SDK1: variants seen among roughly 807,000 people sequenced by gnomAD.
SDK1 encodes the protein protein sidekick-1.
Under a neutral mutation model 245.5 loss-of-function variants are expected in SDK1, and 157 were observed. The observed-to-expected ratio is 0.64, with a 90% CI of 0.56 to 0.73. The LOEUF (loss-of-function observed/expected upper bound fraction) is 0.73. SDK1 is among the 30% of genes least tolerant of loss of function. The pLI, the probability that SDK1 is intolerant of heterozygous loss-of-function variation, is 0.00. For synonymous variants in SDK1, 1,647 were observed against 1,278.5 expected (o/e 1.29, Z -6.15); for missense variants, 3,583 against 3,002.3 (o/e 1.19, Z -4.52).
chr7:3,969,712 A>G (rs188084097), intron 11 of SDK1, among the ~76,000 whole-genome samples: 2 of 152,374 alleles, frequency 1.3e-5, no homozygotes, highest in Admixed American at 1.3e-4. Context: ...TCAAATCACA[A>G]AATTGATAGG....
chr7:3,663,512 T>A (rs1783429884), intron 4 of SDK1, among the ~76,000 whole-genome samples: 1 of 152,210 alleles, frequency 6.6e-6, no homozygotes, highest in East Asian at 1.9e-4. Flanking sequence ...GTTCTTCAGC[T>A]GAGGGACCTG....
chr7:3,463,381 A>G (rs892081605), intron 1 of SDK1, among the ~76,000 whole-genome samples: 2 of 151,944 alleles, frequency 1.3e-5, no homozygotes, highest in African/African-American at 4.8e-5. Context: ...TGAATGAATG[A>G]ACATAGATTG....
At chr7:3,405,927 A>G (rs1583810987) in intron 1 of SDK1, among the ~76,000 whole-genome samples, 1 of 148,720 alleles carries the variant, frequency 6.7e-6, no homozygotes, top group African/African-American at 2.5e-5. Context: ...ATTCTTCTGC[A>G]TCAGCCTCCT....
intron 5 of SDK1, among the ~76,000 whole-genome samples, chr7:3,869,613 G>A (rs917743154): frequency 1.3e-5 from 2 of 152,142 alleles, no homozygotes; most frequent in African/African-American, 2.4e-5. Flanking sequence ...CTCCCTGCTT[G>A]CTCAGCACTC....
intron 4 of SDK1, among the ~76,000 whole-genome samples, chr7:3,661,516 A>G (rs1297274120): frequency 2.0e-5 from 3 of 152,104 alleles, no homozygotes; most frequent in Non-Finnish European, 4.4e-5. Context: ...AATGCCCTGG[A>G]TTTGATTTAG....
intron 1 of SDK1, among the ~76,000 whole-genome samples, chr7:3,601,039 A>G (rs77201974): frequency 0.01 from 1,532 of 151,522 alleles, 21 homozygotes; most frequent in African/African-American, 0.028. Context: ...TTGTTTTTTG[A>G]ATGTTGAACC....
chr7:4,081,780 G>A (rs1327665159), intron 22 of SDK1, among the ~76,000 whole-genome samples: 3 of 152,128 alleles, frequency 2.0e-5, no homozygotes, highest in African/African-American at 4.8e-5. Context: ...GAAGAATAGA[G>A]TAAGCCCTCT....
intron 40 of SDK1, chr7:4,227,492 T>C: frequency 2.1e-6 from 1 of 467,494 alleles, no homozygotes; most frequent in Admixed American, 2.4e-5. Flanking sequence ...TCAGTAAAAT[T>C]TCTAACCTGG....
chr7:3,878,705 A>G (rs183425114), intron 5 of SDK1, among the ~76,000 whole-genome samples: 1 of 152,316 alleles, frequency 6.6e-6, no homozygotes, highest in Admixed American at 6.5e-5. Flanking sequence ...TTCGAAGAGG[A>G]AGAGTCTCCT....
At chr7:3,434,334 C>T (rs1269650345) in intron 1 of SDK1, among the ~76,000 whole-genome samples, 1 of 152,106 alleles carries the variant, frequency 6.6e-6, no homozygotes, top group Non-Finnish European at 1.5e-5. Flanking sequence ...ACCTTGTTCG[C>T]CTTGGTTTTG....
At chr7:4,012,307 ACT>A (rs1786043438) in intron 16 of SDK1, 72 bp downstream of exon 16, 3 of 1,403,054 alleles carry the variant, frequency 2.1e-6, no homozygotes, top group Admixed American at 2.8e-5. Flanking sequence ...AGGGTTGCAA[ACT>A]CTAATGTCTG....
chr7:3,345,153 G>C lies in SDK1; in HGVS notation c.298+43269G>C, dbSNP rs376904717. Among the ~76,000 whole-genome samples the C allele has an allele frequency of 3.3e-5, 5 of 152,308 alleles. No individual in the cohort carries two copies. The East Asian group carries it at 5.8e-4, about 18-fold the overall frequency. On this transcript the variant is annotated intron_variant, in intron 1 of 44. Coordinates refer to ENST00000404826, the MANE Select transcript of SDK1 (RefSeq NM_152744.4). ...CTGCATTGAAGTACACAGAGGGCAT[G>C]TTATTAGGAACTGCATTTTGGATTT...
intron 14 of SDK1, among the ~76,000 whole-genome samples, chr7:3,991,795 G>A (rs1784348435): frequency 6.6e-6 from 1 of 152,206 alleles, no homozygotes. Flanking sequence ...AGCAGCCTGT[G>A]CTGCTACCAG....
intron 10 of SDK1, 61 bp downstream of exon 10, chr7:3,967,495 G>C: frequency 2.0e-6 from 2 of 992,634 alleles, no homozygotes; most frequent in Admixed American, 3.5e-5. Context: ...TATCGGGCCA[G>C]TGCTTGCTTC....
chr7:3,825,716 G>C (rs1019468486), intron 5 of SDK1, among the ~76,000 whole-genome samples: 1 of 152,148 alleles, frequency 6.6e-6, no homozygotes, highest in East Asian at 1.9e-4. Flanking sequence ...GGATTCCTGA[G>C]AATGTCCATG....
At chr7:3,502,790 A>C (rs893386455) in intron 1 of SDK1, among the ~76,000 whole-genome samples, 1 of 152,180 alleles carries the variant, frequency 6.6e-6, no homozygotes, top group African/African-American at 2.4e-5. Context: ...CATTTCTTAC[A>C]CGTGAGAGGG....
At chr7:4,040,875 A>G (rs1477641390) in intron 17 of SDK1, among the ~76,000 whole-genome samples, 3 of 152,206 alleles carry the variant, frequency 2.0e-5, no homozygotes, top group African/African-American at 7.2e-5. Context: ...GCCCTCAGGT[A>G]GCCCTTTTCT....
chr7:3,808,921 C>T (rs1779316989), intron 4 of SDK1, among the ~76,000 whole-genome samples: 1 of 152,152 alleles, frequency 6.6e-6, no homozygotes, highest in Non-Finnish European at 1.5e-5. Flanking sequence ...GGTGTTTGTG[C>T]GTGAGCATGA....
chr7:3,998,852 G>A (rs766284960), intron 14 of SDK1, among the ~76,000 whole-genome samples: 133 of 152,260 alleles, frequency 8.7e-4, no homozygotes, highest in Non-Finnish European at 9.6e-4. Flanking sequence ...GGCTTCTCTG[G>A]GTGAATGTGG....
Sources: gnomAD v4.1 joint callset for allele counts (sites outside exome capture counted in the v4.1 genomes callset) on GRCh38, gnomAD v4.1.1 for gene constraint, MANE v1.5 for transcripts, NCBI Gene and HGNC (gene_info 2026-07-23, HGNC 2026-07-21) for gene names.